TNS3: variants seen among roughly 807,000 people sequenced by gnomAD.
TNS3 encodes tensin 3.
TNS3 carries 45 observed loss-of-function variants against 140.9 expected under a neutral mutation model. The ratio of observed to expected loss-of-function variants is 0.32; its 90% CI spans 0.25 to 0.41. The LOEUF is 0.41. Among genes scored for constraint, TNS3 ranks in the 10% least tolerant of loss-of-function variants. The pLI is 1.00. For synonymous variants in TNS3, 815 were observed against 788.4 expected (o/e 1.03, Z -0.56); for missense variants, 1,716 against 1,906.7 (o/e 0.90, Z 1.86).
At chr7:47,477,624 C>CA (rs1274711568) in intron 4 of TNS3, among the ~76,000 whole-genome samples, 2 of 152,160 alleles carry the variant, frequency 1.3e-5, no homozygotes, top group African/African-American at 2.4e-5. Context: ...AAGAGAAAAA[C>CA]AAAAACAGCT....
chr7:47,381,489 T>G (rs1791757001), intron 16 of TNS3, among the ~76,000 whole-genome samples: 1 of 152,118 alleles, frequency 6.6e-6, no homozygotes, highest in Non-Finnish European at 1.5e-5. Flanking sequence ...ACCACACACT[T>G]TTACTCTTTA....
At chr7:47,438,452 A>G (rs962960294) in intron 6 of TNS3, among the ~76,000 whole-genome samples, 1 of 152,206 alleles carries the variant, frequency 6.6e-6, no homozygotes. Context: ...ATGGTCCTGC[A>G]GAGCACACCG....
chr7:47,428,456 G>A (rs1379987364), intron 8 of TNS3, 80 bp from the exon 9 acceptor site: 2 of 1,091,986 alleles, frequency 1.8e-6, no homozygotes, highest in African/African-American at 1.6e-5. Context: ...AGACTCACTA[G>A]TGGACAAAAC....
chr7:47,522,174 G>A (rs1799005176), intron 2 of TNS3, among the ~76,000 whole-genome samples: 1 of 152,220 alleles, frequency 6.6e-6, no homozygotes, highest in African/African-American at 2.4e-5. Context: ...CTTCTCACAG[G>A]CAAGCAGGAT....
At chr7:47,564,670 C>T (rs1235074717) in intron 1 of TNS3, among the ~76,000 whole-genome samples, 1 of 127,192 alleles carries the variant, frequency 7.9e-6, no homozygotes, top group Non-Finnish European at 1.7e-5. Context: ...CAAAAAAAGA[C>T]TGCAACCTCA....
At chr7:47,510,295 A>G (rs1273599401) in intron 2 of TNS3, among the ~76,000 whole-genome samples, 1 of 152,196 alleles carries the variant, frequency 6.6e-6, no homozygotes, top group Non-Finnish European at 1.5e-5. Context: ...ACTTCGCACC[A>G]AAATCCATCT....
At chr7:47,292,596 T>A (rs1008293298) in intron 26 of TNS3, among the ~76,000 whole-genome samples, 7 of 152,228 alleles carry the variant, frequency 4.6e-5, no homozygotes, top group African/African-American at 1.7e-4. Context: ...TAGAAATCTT[T>A]CATCAAAATC....
intron 2 of TNS3, among the ~76,000 whole-genome samples, chr7:47,526,526 C>T (rs1020263848): frequency 6.6e-6 from 1 of 152,206 alleles, no homozygotes; most frequent in Non-Finnish European, 1.5e-5. Context: ...AGTCCTAGAC[C>T]CAGAGTGAGG....
At chr7:47,382,685 C>G (rs1486940567) in intron 16 of TNS3, among the ~76,000 whole-genome samples, 1 of 152,000 alleles carries the variant, frequency 6.6e-6, no homozygotes, top group Non-Finnish European at 1.5e-5. Flanking sequence ...CCACCACCCC[C>G]TGTGAGTATA....
At chr7:47,461,207 A>C (rs1796477039) in intron 4 of TNS3, among the ~76,000 whole-genome samples, 1 of 152,206 alleles carries the variant, frequency 6.6e-6, no homozygotes, top group East Asian at 1.9e-4. Context: ...TGGAAGCTGA[A>C]CCAGGCTGAG....
chr7:47,314,334 G>A (rs961920495), intron 20 of TNS3, among the ~76,000 whole-genome samples: 11 of 152,172 alleles, frequency 7.2e-5, no homozygotes, highest in African/African-American at 2.4e-4. Flanking sequence ...ACAGCTCCTC[G>A]AGATGTGCCC....
intron 3 of TNS3, among the ~76,000 whole-genome samples, chr7:47,493,228 C>A (rs1042727356): frequency 6.6e-6 from 1 of 152,194 alleles, no homozygotes; most frequent in Non-Finnish European, 1.5e-5. Context: ...CTGGTCACTT[C>A]GCCAGACTTT....
intron 1 of TNS3, among the ~76,000 whole-genome samples, chr7:47,557,771 G>A (rs922980822): frequency 6.6e-6 from 1 of 152,166 alleles, no homozygotes; most frequent in African/African-American, 2.4e-5. Context: ...GGAGGAGGTA[G>A]GGAGGCCACG....
chr7:47,517,214 G>A lies in TNS3; in HGVS notation c.-152-10270C>T, dbSNP rs1798807244. On this transcript the variant is annotated intron_variant, in intron 2 of 30. Coordinates refer to ENST00000311160, the MANE Select transcript of TNS3 (RefSeq NM_022748.12). ...GCCAATGTTGACTGAAGACAAGAAC[G>A]CCCAACCTTGCAATAGAAACCCTGC... Among the ~76,000 whole-genome samples, 3 of 152,190 alleles carry A rather than the reference G, an allele frequency of 2.0e-5. No individual in the cohort carries two copies. The South Asian group carries it at 6.2e-4, about 32-fold the overall frequency.
Position 47,529,262 on chromosome 7 carries a change from T to C in TNS3, c.-264-115A>G, listed in dbSNP as rs148890146. 100 of 531,710 alleles carry C rather than the reference T, an allele frequency of 1.9e-4. No homozygotes were observed. The African/African-American group carries it at 2.0e-3, about 10-fold the overall frequency. 32.9% of individuals were successfully genotyped at this position (531,710 alleles called of 1,614,324 possible). A position where few individuals can be genotyped will look rare whatever the true frequency, so the allele number is the denominator to read the frequency against. On this transcript the variant is annotated intron_variant, in intron 1 of 30. Coordinates refer to ENST00000311160, the MANE Select transcript of TNS3 (RefSeq NM_022748.12). ...GAATTGTAAAGAGCAAAAACAGGAA[T>C]TTTACCAAGCAAACAGAGAACAAGA...
intron 17 of TNS3, among the ~76,000 whole-genome samples, chr7:47,346,566 T>C (rs1789357907): frequency 6.6e-6 from 1 of 152,144 alleles, no homozygotes; most frequent in Admixed American, 6.5e-5. Flanking sequence ...GCCACAGCCT[T>C]GGAAATGTGC....
chr7:47,406,925 G>A (rs1221004891), intron 13 of TNS3, among the ~76,000 whole-genome samples: 6 of 152,150 alleles, frequency 3.9e-5, no homozygotes, highest in Non-Finnish European at 7.3e-5. Flanking sequence ...TGCTGAGCAT[G>A]GCAGAGTGGG....
chr7:47,344,907 T>C lies in TNS3; in HGVS notation c.2566+17A>G, dbSNP rs1025494237. 2 of 1,613,680 alleles carry C rather than the reference T, an allele frequency of 1.2e-6. No individual in the cohort carries two copies. The highest frequency in any genetic ancestry group is 1.7e-6 in the Non-Finnish European group (2 of 1,179,580). On this transcript the variant is annotated intron_variant, in intron 19 of 30. Transcript: ENST00000311160. Reference sequence around the variant, plus strand: ...GGCATGGAGCAGCACATGCAGCTAGTGTTACTTCATTCTTACCATACGGTG... The same window carrying C: ...GGCATGGAGCAGCACATGCAGCTAGCGTTACTTCATTCTTACCATACGGTG...
chr7:47,421,984 C>G (rs1794396071), intron 10 of TNS3, among the ~76,000 whole-genome samples: 1 of 152,182 alleles, frequency 6.6e-6, no homozygotes, highest in Non-Finnish European at 1.5e-5. Context: ...ATCCCACTCC[C>G]CAGGCCATTC....
Sources: allele counts gnomAD v4.1 joint callset (sites outside exome capture counted in the v4.1 genomes callset), GRCh38; gene constraint gnomAD v4.1.1; transcripts MANE v1.5; gene names NCBI Gene and HGNC (gene_info 2026-07-23, HGNC 2026-07-21).